ESYT3: variants seen among roughly 807,000 people sequenced by gnomAD.
The protein encoded by ESYT3 is extended synaptotagmin-3.
Under a neutral mutation model 111.5 loss-of-function variants are expected in ESYT3, and 101 were observed. The ratio of observed to expected loss-of-function variants is 0.91; its 90% CI spans 0.77 to 1.07. The LOEUF is 1.07. ESYT3 is among the 50% of genes least tolerant of loss of function. ESYT3 has a pLI of 0.00. For missense variants in ESYT3, 1,097 were observed against 1,109.4 expected (o/e 0.99, Z 0.16); for synonymous variants, 416 against 446.8 (o/e 0.93, Z 0.87).
At chr3:138,453,150 C>T (rs1415107216) in intron 2 of ESYT3, among the ~76,000 whole-genome samples, 5 of 152,202 alleles carry the variant, frequency 3.3e-5, no homozygotes, top group Non-Finnish European at 5.9e-5. Flanking sequence ...GACTGGGTTT[C>T]TGGGGATTCA....
At chr3:138,451,789 G>A (rs76585697) in intron 1 of ESYT3, among the ~76,000 whole-genome samples, 5,866 of 151,708 alleles carry the variant, frequency 0.039, 367 homozygotes, top group African/African-American at 0.13. Context: ...CTGCGGAATC[G>A]GTGCCAGCTC....
intron 3 of ESYT3, among the ~76,000 whole-genome samples, chr3:138,456,854 C>T (rs937767936): frequency 2.6e-5 from 4 of 152,146 alleles, no homozygotes; most frequent in African/African-American, 9.7e-5. Flanking sequence ...TGCTGGCAAG[C>T]AATCCTAAGA....
chr3:138,468,474 C>T lies in ESYT3; in HGVS notation c.1309-181C>T, dbSNP rs146241002. Among the ~76,000 whole-genome samples, 222 of 152,274 alleles carry T rather than the reference C, an allele frequency of 1.5e-3. 8 individuals are homozygous for T. The East Asian group carries it at 0.038, about 26-fold the overall frequency. On this transcript the variant is annotated intron_variant, in intron 12 of 22. Coordinates refer to ENST00000389567, the MANE Select transcript of ESYT3 (RefSeq NM_031913.5). ...AATCCACTCAGTGTCTAACTTGAATCTGTCATGCACCAGTTATAGTCTTAA... is the reference window on the plus strand; with the variant it reads ...AATCCACTCAGTGTCTAACTTGAATTTGTCATGCACCAGTTATAGTCTTAA...
chr3:138,446,078 AATAATGATTT>A (rs1031129038), intron 1 of ESYT3, among the ~76,000 whole-genome samples: 11 of 152,220 alleles, frequency 7.2e-5, no homozygotes, highest in African/African-American at 2.4e-4. Context: ...GTAAAAGGGG[AATAATGATTT>A]ATAGAGTGTT....
chr3:138,473,441 ACTC>A, intron 18 of ESYT3, 92 bp from the exon 19 acceptor site: 2 of 1,084,562 alleles, frequency 1.8e-6, no homozygotes, highest in African/African-American at 3.1e-5. Flanking sequence ...ATGGCTCTAT[ACTC>A]CTCAAGCAGG....
At position 138,472,872 on chromosome 3, in the gene ESYT3, C is replaced by A. The variant is rs2033300555; in HGVS notation, c.2237+13C>A. The stretch of plus-strand genomic sequence containing the variant: ...GCCTCAACATTGAGTATGCACCTCT[C>A]TGCTTAATCTTTTCTAAAATCGCCT... On this transcript the variant is annotated intron_variant, in intron 18 of 22. Coordinates refer to ENST00000389567, the MANE Select transcript of ESYT3 (RefSeq NM_031913.5). 1.3e-6 allele frequency: 2 copies of A among 1,594,238 alleles called. No homozygotes were observed. Among genetic ancestry groups the A allele is most frequent in the South Asian group, 2.3e-5 (2 of 88,632 alleles).
intron 1 of ESYT3, among the ~76,000 whole-genome samples, chr3:138,446,751 C>T (rs2031568500): frequency 6.6e-6 from 1 of 152,124 alleles, no homozygotes; most frequent in Admixed American, 6.6e-5. Context: ...ATTAGCTAGA[C>T]ATGGTGGCAT....
rs1560253338 is a variant in ESYT3 at position 138,478,299 on chromosome 3, C to T, written c.*1445C>T. 1 of 152,120 alleles carries T rather than the reference C, an allele frequency of 6.6e-6. No individual in the cohort carries two copies. The highest frequency in any genetic ancestry group is 1.5e-5 in the Non-Finnish European group (1 of 68,020). The allele number at this position is 152,120 out of a possible 1,614,324, so 9.4% of individuals were successfully genotyped here. ...TTCAAGCTACTTGAATTGTTTTTCA[C>T]CCTCACCATCCAAGACCGTGTTAAG... On this transcript the variant is annotated 3_prime_UTR_variant, in exon 23 of 23. Transcript: ENST00000389567.
intron 18 of ESYT3, chr3:138,473,195 A>G: frequency 8.8e-7 from 1 of 1,141,522 alleles, no homozygotes; most frequent in South Asian, 2.4e-5. Flanking sequence ...TGAAGGGTTT[A>G]CTATGGGCTT....
At chr3:138,481,009 G>A (rs2033678540), downstream of ESYT3, 1 of 152,206 alleles carries the variant, frequency 6.6e-6, no homozygotes, top group Admixed American at 6.5e-5. Context: ...AATAAAAGGT[G>A]CTGGGACAAT....
In ESYT3 at chr3:138,478,220, T is replaced by C. The variant is rs763740347; in HGVS notation, c.*1366T>C. On this transcript the variant is annotated 3_prime_UTR_variant, in exon 23 of 23. Transcript: ENST00000389567. The stretch of plus-strand genomic sequence containing the variant: ...AGGTTACATGCTAAGCAGCTACTTA[T>C]ATTGTATTTGGTATTTAATTTTGTT... 3 of 152,218 alleles carry C rather than the reference T, an allele frequency of 2.0e-5. No homozygotes were observed. The highest frequency in any genetic ancestry group is 4.4e-5 in the Non-Finnish European group (3 of 68,034). The allele number at this position is 152,218 out of a possible 1,614,324, so 9.4% of individuals were successfully genotyped here.
chr3:138,473,026 A>G (rs1394634522), intron 18 of ESYT3, 167 bp downstream of exon 18: 10 of 1,461,536 alleles, frequency 6.8e-6, no homozygotes, highest in Non-Finnish European at 8.1e-6. Flanking sequence ...CAAGGGAGAG[A>G]GAGCCAAACA....
rs2033523406 is a variant in ESYT3, at chr3:138,477,154, AC to A, written c.*301del. 1 of 258,598 alleles carries A rather than the reference AC, an allele frequency of 3.9e-6. No individual in the cohort carries two copies. Among genetic ancestry groups the A allele is most frequent in the Non-Finnish European group, 7.4e-6 (1 of 135,694 alleles). 16.0% of individuals were successfully genotyped at this position (258,598 alleles called of 1,614,324 possible). ...CAAACCTCAGTGTTTATATACTTAA[AC>A]AAGTGCCACTTTTTAGTAGGTAATT... On this transcript the variant is annotated 3_prime_UTR_variant, in exon 23 of 23. Coordinates refer to ENST00000389567, the MANE Select transcript of ESYT3 (RefSeq NM_031913.5).
intron 10 of ESYT3, among the ~76,000 whole-genome samples, 159 bp downstream of exon 10, chr3:138,465,580 C>A (rs1247821087): frequency 1.3e-5 from 2 of 152,202 alleles, no homozygotes; most frequent in Non-Finnish European, 2.9e-5. Flanking sequence ...ATTCTACATT[C>A]CTACCACAAA....
At chr3:138,471,428 A>G (rs555941788) in intron 17 of ESYT3, among the ~76,000 whole-genome samples, 4 of 152,202 alleles carry the variant, frequency 2.6e-5, no homozygotes, top group East Asian at 1.9e-4. Context: ...AGTTTTTTCA[A>G]TGGTGGTTTT....
chr3:138,474,292 G>T lies in ESYT3; in HGVS notation c.2408G>T (p.Trp803Leu), dbSNP rs747344539. ...GTCTACTTGTTGCCAGAAAGGAAGT[G>T]GGCATGTCGTAAGAAGACTTCAGTG... ...VRVYLLPERKWACRKKTSVKR... is the reference protein window; with the variant it reads ...VRVYLLPERKLACRKKTSVKR... The change falls in exon 20 of 23, where the codon TGG (tryptophan) becomes TTG (leucine). Residue 803 changes from tryptophan to leucine, a missense_variant. Physicochemically the swap from Trp to Leu is moderately conservative, Grantham distance 61. Transcript: ENST00000389567. The T allele has an allele frequency of 6.2e-7, 1 of 1,611,158 alleles. No individual in the cohort carries two copies. Among genetic ancestry groups the T allele is most frequent in the East Asian group, 2.2e-5 (1 of 44,826 alleles).
At chr3:138,476,543 T>G in intron 22 of ESYT3, 51 bp downstream of exon 22, 1 of 1,581,106 alleles carries the variant, frequency 6.3e-7, no homozygotes, top group South Asian at 1.1e-5. Flanking sequence ...TCAAGACAGT[T>G]TTCCCTTTTC....
chr3:138,452,121 G>T (rs1460220111), intron 2 of ESYT3, 32 bp downstream of exon 2: 1 of 1,602,950 alleles, frequency 6.2e-7, no homozygotes, highest in Non-Finnish European at 8.5e-7. Flanking sequence ...AGCAGGGCCG[G>T]ACGCATGCCA....
At chr3:138,454,238 C>A (rs554379882) in intron 2 of ESYT3, among the ~76,000 whole-genome samples, 1 of 146,636 alleles carries the variant, frequency 6.8e-6, no homozygotes, top group African/African-American at 2.5e-5. Context: ...CAGAGTGAGA[C>A]CTTGTCTTAA....
Sources: gnomAD v4.1 joint callset for allele counts (sites outside exome capture counted in the v4.1 genomes callset) on GRCh38, gnomAD v4.1.1 for gene constraint, MANE v1.5 for transcripts, NCBI Gene and HGNC (gene_info 2026-07-23, HGNC 2026-07-21) for gene names.